Variants in ATAD3B observed in about 807,000 individuals in gnomAD.
ATAD3B encodes ATPase family AAA domain-containing protein 3B.
A neutral mutation model predicts 70.2 loss-of-function variants in ATAD3B; 59 were observed. That is an observed-to-expected ratio of 0.84 (90% CI 0.68 to 1.04). ATAD3B has a LOEUF of 1.04. ATAD3B is among the 50% of genes least tolerant of loss of function. The pLI is 0.00. For missense variants in ATAD3B, 961 were observed against 913.4 expected, an observed-to-expected ratio of 1.05 and a Z score of -0.67; for synonymous variants, 423 against 388.6, an observed-to-expected ratio of 1.09 and a Z score of -1.04.
chr1:1,493,805 T>C (rs1477796611), intron 15 of ATAD3B, among the ~76,000 whole-genome samples: 2 of 151,922 alleles, frequency 1.3e-5, no homozygotes, highest in African/African-American at 4.8e-5. Flanking sequence ...CCTTTAACTA[T>C]ACTGCTAAAT....
chr1:1,492,319 C>G (rs1640579739), intron 15 of ATAD3B, among the ~76,000 whole-genome samples: 1 of 151,574 alleles, frequency 6.6e-6, no homozygotes, highest in Admixed American at 6.6e-5. Context: ...AACCCCACCT[C>G]TACAAAAAAT....
intron 13 of ATAD3B, 85 bp downstream of exon 13, chr1:1,489,359 A>G (rs1214594056): frequency 6.3e-6 from 10 of 1,597,204 alleles, no homozygotes; most frequent in Non-Finnish European, 8.6e-6. Flanking sequence ...CCTGGCTCAC[A>G]GTGCTGGGCA....
At chr1:1,472,150 G>A (rs1439537573) in intron 1 of ATAD3B, 61 bp downstream of exon 1, 13 of 1,315,220 alleles carry the variant, frequency 9.9e-6, no homozygotes, top group Non-Finnish European at 1.3e-5. Flanking sequence ...GGAAGCGGGA[G>A]CCCTGGCCCT....
chr1:1,477,212 GT>G, intron 1 of ATAD3B, 61 bp from the exon 2 acceptor site: 1 of 1,594,754 alleles, frequency 6.3e-7, no homozygotes, highest in Non-Finnish European at 8.6e-7. Context: ...GTTTCACCAT[GT>G]TGGCCAGGCT....
chr1:1,482,826 A>C, intron 7 of ATAD3B: 1 of 693,988 alleles, frequency 1.4e-6, no homozygotes, highest in Non-Finnish European at 2.5e-6. Context: ...CCACACGGTG[A>C]GACCCCATCT....
rs536026434 is a variant in ATAD3B at position 1,494,859 on chromosome 1, C to T, written c.1615-626C>T. ...CCCTCACCCTGACCCATGGGTGCCT[C>T]CCCTTGGGGACTCCACGCCCTTCGC... On this transcript the variant is annotated intron_variant, in intron 15 of 15. Transcript: ENST00000673477. 3.9e-5 allele frequency among the ~76,000 whole-genome samples: 6 copies of T among 152,116 alleles called. 1 individual carries two copies. Among genetic ancestry groups the T allele is most frequent in the African/African-American group, 1.4e-4 (6 of 41,526 alleles).
At chr1:1,485,739 T>A in intron 8 of ATAD3B, 43 bp from the exon 9 acceptor site, 1 of 1,610,512 alleles carries the variant, frequency 6.2e-7, no homozygotes, top group Non-Finnish European at 8.5e-7. Flanking sequence ...GTTCCGTGGC[T>A]GTGGCAGGTG....
intron 2 of ATAD3B, chr1:1,478,406 C>A: frequency 6.7e-7 from 1 of 1,496,018 alleles, no homozygotes; most frequent in Non-Finnish European, 8.9e-7. Context: ...GGGTTGGTGT[C>A]TGACCTCCCT....
intron 4 of ATAD3B, among the ~76,000 whole-genome samples, chr1:1,479,939 C>T (rs1639817125): frequency 6.9e-6 from 1 of 145,070 alleles, no homozygotes; most frequent in Non-Finnish European, 1.5e-5. Context: ...TGCACAAACA[C>T]CCACCTGCAC....
Position 1,481,176 on chromosome 1 carries a change from C to CT in ATAD3B, c.514+254dup, listed in dbSNP as rs1217771354. Among the ~76,000 whole-genome samples the CT allele has an allele frequency of 9.9e-3, 1,098 of 110,620 alleles. 60 individuals carry two copies. The highest frequency in any genetic ancestry group is 0.038 in the African/African-American group (944 of 24,622). 72.6% of individuals were successfully genotyped at this position (110,620 alleles called of 152,430 possible). On this transcript the variant is annotated intron_variant, in intron 5 of 15. Coordinates refer to ENST00000673477, the MANE Select transcript of ATAD3B (RefSeq NM_031921.6). The stretch of plus-strand genomic sequence containing the variant: ...TTCACTTCATGGGAAGTACAGGGGC[C>CT]TTTTTTTTTTTTTTGAGACGGAGTC...
chr1:1,508,059 T>G, the ATAD3B span, among the ~76,000 whole-genome samples: 2 of 152,180 alleles, frequency 1.3e-5, no homozygotes, highest in South Asian at 2.1e-4. Context: ...CGTAGCCCCT[T>G]TCCTCTGCTG....
intron 5 of ATAD3B, among the ~76,000 whole-genome samples, chr1:1,481,902 G>A (rs1313708277): frequency 6.6e-6 from 1 of 151,748 alleles, no homozygotes; most frequent in Admixed American, 6.6e-5. Flanking sequence ...TAGCCTGTTG[G>A]TGGCGTGGGC....
At chr1:1,506,610 G>A in the ATAD3B span, among the ~76,000 whole-genome samples, 1 of 152,022 alleles carries the variant, frequency 6.6e-6, no homozygotes, top group East Asian at 1.9e-4. Context: ...GAATTTCCAA[G>A]TATTTTATTC....
intron 4 of ATAD3B, among the ~76,000 whole-genome samples, chr1:1,479,549 A>G (rs1428564828): frequency 7.3e-6 from 1 of 136,952 alleles, no homozygotes; most frequent in Non-Finnish European, 1.6e-5. Context: ...ACGGGCACGC[A>G]CACACACACC....
rs1570267995 is a variant in ATAD3B at position 1,490,422 on chromosome 1, A to G, written c.1503A>G (p.Lys501=). 1.2e-6 allele frequency: 2 copies of G among 1,613,202 alleles called. No homozygotes were observed. Among genetic ancestry groups the G allele is most frequent in the Non-Finnish European group, 1.7e-6 (2 of 1,179,620 alleles). The part of the protein sequence containing the change: ...NCVLKPATEG[K]RRLKLAQFDY... ...TTCTTAAGCCGGCCACAGAAGGAAAACGGTGAGTGTCCCGCCTCACCCGGC... is the reference window on the plus strand; with the variant it reads ...TTCTTAAGCCGGCCACAGAAGGAAAGCGGTGAGTGTCCCGCCTCACCCGGC... Residue 501 remains lysine, a splice_region_variant and synonymous_variant, in exon 14 of 16, where the codon AAA becomes AAG. Coordinates refer to ENST00000673477, the MANE Select transcript of ATAD3B (RefSeq NM_031921.6).
chr1:1,490,453 A>T (rs781720908), intron 14 of ATAD3B, 29 bp downstream of exon 14: 3 of 1,612,588 alleles, frequency 1.9e-6, no homozygotes, highest in Non-Finnish European at 8.5e-7. Flanking sequence ...CCGGCCCCCA[A>T]TCCAGGCACC....
intron 9 of ATAD3B, 78 bp from the exon 10 acceptor site, chr1:1,486,032 G>C: frequency 6.2e-7 from 1 of 1,606,672 alleles, no homozygotes; most frequent in East Asian, 2.2e-5. Context: ...GTCCGCACCC[G>C]GGCATTCCCG....
chr1:1,494,050 C>T (rs974764496), intron 15 of ATAD3B, among the ~76,000 whole-genome samples: 1 of 151,992 alleles, frequency 6.6e-6, no homozygotes, highest in Non-Finnish European at 1.5e-5. Context: ...TTCTCTTTGA[C>T]CTTTTATAGC....
Position 1,486,127 on chromosome 1 carries a change from G to A in ATAD3B, c.981G>A (p.Arg327=), listed in dbSNP as rs1640201337. ...GVVLSPSLEA[R]VRDIAIATRN... is the part of the protein sequence containing the mutation. ...CCCGGCAGCCCAGCCTGGAAGCACGGGTGCGCGACATCGCCATAGCAACCA... is the reference window on the plus strand; with the variant it reads ...CCCGGCAGCCCAGCCTGGAAGCACGAGTGCGCGACATCGCCATAGCAACCA... The change falls in exon 10 of 16, where the codon CGG becomes CGA. Residue 327 remains arginine, a synonymous_variant. Coordinates refer to ENST00000673477, the MANE Select transcript of ATAD3B (RefSeq NM_031921.6). 1 of 1,613,180 alleles carries A rather than the reference G, an allele frequency of 6.2e-7. No homozygotes were observed. The highest frequency in any genetic ancestry group is 2.2e-5 in the East Asian group (1 of 44,870).
Sources: gnomAD v4.1 joint callset for allele counts (sites outside exome capture counted in the v4.1 genomes callset) on GRCh38, gnomAD v4.1.1 for gene constraint, MANE v1.5 for transcripts, NCBI Gene and HGNC (gene_info 2026-07-23, HGNC 2026-07-21) for gene names.